GNA12: variants seen among roughly 807,000 people sequenced by gnomAD.
The protein encoded by GNA12 is guanine nucleotide-binding protein subunit alpha-12.
Under a neutral mutation model 26.0 loss-of-function variants are expected in GNA12, and 9 were observed. That is an observed-to-expected ratio of 0.35 (90% CI 0.21 to 0.60). The LOEUF (loss-of-function observed/expected upper bound fraction) is 0.60, where lower values mean the gene tolerates loss of function less well. Ranked by LOEUF, GNA12 falls within the 20% of genes least tolerant of loss-of-function variation. The pLI is 0.78. For missense variants in GNA12, 405 were observed against 525.8 expected (o/e 0.77, Z 2.25); for synonymous variants, 264 against 219.6 (o/e 1.20, Z -1.79).
Position 2,794,621 on chromosome 7 carries a change from T to C in GNA12, c.525+307A>G, listed in dbSNP as rs1792605143. 31 of 353,408 alleles carry C rather than the reference T, an allele frequency of 8.8e-5. 1 individual carries two copies. In the South Asian group the frequency reaches 9.4e-4, roughly 11 times the overall value. 21.9% of individuals were successfully genotyped at this position (353,408 alleles called of 1,614,324 possible). Reference sequence around the variant, plus strand: ...TTGTGGGGGGTGTTATTTCCTACTATGAACAAGATCTCTAAAAAAAACTAA... The same window carrying C: ...TTGTGGGGGGTGTTATTTCCTACTACGAACAAGATCTCTAAAAAAAACTAA... On this transcript the variant is annotated intron_variant, in intron 2 of 3. Transcript: ENST00000275364.
At chr7:2,820,786 G>A (rs1488215683) in intron 1 of GNA12, among the ~76,000 whole-genome samples, 2 of 152,204 alleles carry the variant, frequency 1.3e-5, no homozygotes, top group Non-Finnish European at 2.9e-5. Flanking sequence ...CACCCAGGCT[G>A]GAATGCAGTG....
rs1338485354 is a variant in GNA12, at chr7:2,780,046, G to GTATATA, written c.525+14881_525+14882insTATATA. On this transcript the variant is annotated intron_variant, in intron 2 of 3. Transcript: ENST00000275364. ...ACGTACTAGTTTTTTACACATTTCT[G>GTATATA]TGTACATATATATATATATATATAT... is the stretch of plus-strand genomic sequence containing the variant. Among the ~76,000 whole-genome samples the GTATATA allele has an allele frequency of 1.0e-3, 86 of 85,812 alleles. 2 individuals carry two copies. The highest frequency in any genetic ancestry group is 3.5e-3 in the African/African-American group (78 of 22,190). 56.3% of individuals were successfully genotyped at this position (85,812 alleles called of 152,430 possible). A position where few individuals can be genotyped will look rare whatever the true frequency, so the allele number is the denominator to read the frequency against.
chr7:2,763,915 T>G (rs1791693503), intron 2 of GNA12, among the ~76,000 whole-genome samples: 2 of 152,086 alleles, frequency 1.3e-5, no homozygotes, highest in Admixed American at 1.3e-4. Context: ...TGCTTTAGAG[T>G]CTTGGTTAAA....
chr7:2,748,715 G>C (rs1790884399), intron 2 of GNA12, among the ~76,000 whole-genome samples: 1 of 152,208 alleles, frequency 6.6e-6, no homozygotes, highest in Non-Finnish European at 1.5e-5. Context: ...CCATCAGCAT[G>C]AACAGGCAAC....
intron 2 of GNA12, among the ~76,000 whole-genome samples, chr7:2,776,366 C>T (rs1323965850): frequency 5.3e-5 from 8 of 152,320 alleles, no homozygotes; most frequent in East Asian, 3.9e-4. Flanking sequence ...GGACACCGAC[C>T]GTCATTTCCT....
At chr7:2,787,642 T>C (rs2258960) in intron 2 of GNA12, among the ~76,000 whole-genome samples, 89,843 of 152,098 alleles carry the variant, frequency 0.59, 26,785 homozygotes, top group Admixed American at 0.64. Context: ...TTAAACAAGA[T>C]AGGCTGAAGG....
At chr7:2,754,075 T>C (rs75751880) in intron 2 of GNA12, among the ~76,000 whole-genome samples, 3,654 of 152,328 alleles carry the variant, frequency 0.024, 102 homozygotes, top group Middle Eastern at 0.075. Flanking sequence ...TGTACCCTTT[T>C]ACCTCCCCAC....
intron 2 of GNA12, among the ~76,000 whole-genome samples, chr7:2,751,486 C>G (rs1407757930): frequency 4.0e-5 from 6 of 150,004 alleles, no homozygotes; most frequent in Admixed American, 1.3e-4. Flanking sequence ...TAATGAAGAG[C>G]TCTTTAAACT....
chr7:2,746,634 C>T (rs1229457129), intron 2 of GNA12, among the ~76,000 whole-genome samples: 11 of 152,106 alleles, frequency 7.2e-5, no homozygotes, highest in Non-Finnish European at 1.5e-4. Context: ...CAAACACATT[C>T]AAAAGCCAGC....
At chr7:2,756,833 C>T (rs1049668942) in intron 2 of GNA12, among the ~76,000 whole-genome samples, 1 of 152,158 alleles carries the variant, frequency 6.6e-6, no homozygotes, top group Non-Finnish European at 1.5e-5. Context: ...TATGGTGGCT[C>T]ATGCCAAGGT....
intron 2 of GNA12, among the ~76,000 whole-genome samples, chr7:2,755,110 C>G (rs1367576712): frequency 6.6e-6 from 1 of 152,054 alleles, no homozygotes; most frequent in Non-Finnish European, 1.5e-5. Context: ...ATCCACGGGT[C>G]TGTCCAGTGA....
At chr7:2,770,481 C>T (rs1167593432) in intron 2 of GNA12, among the ~76,000 whole-genome samples, 1 of 152,066 alleles carries the variant, frequency 6.6e-6, no homozygotes, top group African/African-American at 2.4e-5. Flanking sequence ...GTTAGCTAGG[C>T]GTGGTGGTGC....
chr7:2,789,161 A>C (rs1484670502), intron 2 of GNA12, among the ~76,000 whole-genome samples: 1 of 30,806 alleles, frequency 3.2e-5, no homozygotes, highest in Non-Finnish European at 7.9e-5. Flanking sequence ...TTTGAGACGG[A>C]GTCTCGCTCT....
chr7:2,833,232 G>A (rs1421766180), intron 1 of GNA12, among the ~76,000 whole-genome samples: 2 of 152,208 alleles, frequency 1.3e-5, no homozygotes, highest in Non-Finnish European at 2.9e-5. Flanking sequence ...CTGCCCTTCA[G>A]GTGATGCAAG....
intron 1 of GNA12, among the ~76,000 whole-genome samples, chr7:2,829,686 A>G (rs1236025511): frequency 6.6e-6 from 1 of 152,024 alleles, no homozygotes; most frequent in African/African-American, 2.4e-5. Context: ...CCTGTTTTTC[A>G]TCTGACTTTT....
chr7:2,797,235 T>C (rs1474019108), intron 1 of GNA12, among the ~76,000 whole-genome samples: 1 of 152,196 alleles, frequency 6.6e-6, no homozygotes, highest in Non-Finnish European at 1.5e-5. Context: ...AATCTCGACC[T>C]TCTGGGCTCA....
intron 2 of GNA12, among the ~76,000 whole-genome samples, chr7:2,785,082 G>A (rs533324572): frequency 4.1e-4 from 62 of 152,230 alleles, no homozygotes; most frequent in African/African-American, 1.4e-3. Flanking sequence ...CGTGATTAAT[G>A]AAATGAAGGG....
chr7:2,807,735 C>A (rs1562439161), intron 1 of GNA12, among the ~76,000 whole-genome samples: 2 of 152,188 alleles, frequency 1.3e-5, no homozygotes, highest in Non-Finnish European at 2.9e-5. Flanking sequence ...TAAATTACTA[C>A]TGCAGAAAAT....
intron 2 of GNA12, among the ~76,000 whole-genome samples, chr7:2,789,549 C>T (rs1792464854): frequency 6.6e-6 from 1 of 152,210 alleles, no homozygotes; most frequent in African/African-American, 2.4e-5. Flanking sequence ...TAGGTGAGTT[C>T]AAACTGCTTG....
Sources: gnomAD v4.1 joint callset for allele counts (sites outside exome capture counted in the v4.1 genomes callset) on GRCh38, gnomAD v4.1.1 for gene constraint, MANE v1.5 for transcripts, NCBI Gene and HGNC (gene_info 2026-07-23, HGNC 2026-07-21) for gene names.